GUCY1A2: variants seen among roughly 807,000 people sequenced by gnomAD.
GUCY1A2 encodes the protein guanylate cyclase 1 soluble subunit alpha 2.
A neutral mutation model predicts 63.5 loss-of-function variants in GUCY1A2; 27 were observed. The observed-to-expected ratio is 0.43, with a 90% CI of 0.31 to 0.59. GUCY1A2 has a LOEUF of 0.59. Among genes scored for constraint, GUCY1A2 ranks in the 20% least tolerant of loss-of-function variants. The probability of loss-of-function intolerance (pLI) is 0.11; values close to 1 mark genes in which losing one functional copy is unlikely to be tolerated. For synonymous variants in GUCY1A2, 364 were observed against 343.5 expected, an observed-to-expected ratio of 1.06 and a Z score of -0.66; for missense variants, 768 against 913.3, an observed-to-expected ratio of 0.84 and a Z score of 2.05.
intron 4 of GUCY1A2, among the ~76,000 whole-genome samples, chr11:106,923,060 G>A (rs1017836112): frequency 6.6e-6 from 1 of 152,096 alleles, no homozygotes; most frequent in Non-Finnish European, 1.5e-5. Context: ...CAAAACTGGG[G>A]ACCCACTAGG....
chr11:106,694,072 A>G (rs1275209010), intron 7 of GUCY1A2, among the ~76,000 whole-genome samples: 1 of 152,152 alleles, frequency 6.6e-6, no homozygotes, highest in Non-Finnish European at 1.5e-5. Context: ...TACCCTGACC[A>G]TTTCATTAGG....
chr11:106,771,842 C>T (rs1347635270), intron 6 of GUCY1A2, among the ~76,000 whole-genome samples: 1 of 152,184 alleles, frequency 6.6e-6, no homozygotes, highest in East Asian at 1.9e-4. Flanking sequence ...TTTCAGCCAG[C>T]AGAAGAAATA....
chr11:106,872,408 C>T (rs1859691880), intron 4 of GUCY1A2, among the ~76,000 whole-genome samples: 1 of 152,180 alleles, frequency 6.6e-6, no homozygotes, highest in African/African-American at 2.4e-5. Flanking sequence ...AGTCAAGTTG[C>T]TTATTATTAG....
At chr11:106,970,007 C>T (rs930904852) in intron 3 of GUCY1A2, among the ~76,000 whole-genome samples, 2 of 151,992 alleles carry the variant, frequency 1.3e-5, no homozygotes, top group African/African-American at 4.8e-5. Context: ...TTTGAGAAAA[C>T]AAAAATAGAA....
chr11:106,736,765 T>G (rs1863596925), intron 6 of GUCY1A2, among the ~76,000 whole-genome samples: 1 of 152,218 alleles, frequency 6.6e-6, no homozygotes, highest in South Asian at 2.1e-4. Context: ...TCCATTAATA[T>G]TAAATATCTT....
intron 4 of GUCY1A2, among the ~76,000 whole-genome samples, chr11:106,904,940 C>T (rs367955277): frequency 1.3e-5 from 2 of 151,988 alleles, no homozygotes; most frequent in East Asian, 1.9e-4. Context: ...ATAAGCAACA[C>T]GATTTTGCAT....
intron 6 of GUCY1A2, among the ~76,000 whole-genome samples, chr11:106,763,403 A>C (rs905486572): frequency 2.0e-5 from 3 of 152,028 alleles, no homozygotes; most frequent in Non-Finnish European, 4.4e-5. Context: ...AAGGCAGAAA[A>C]CAACATTAAA....
At chr11:107,008,044 A>G (rs1044279879) in intron 1 of GUCY1A2, among the ~76,000 whole-genome samples, 3 of 149,726 alleles carry the variant, frequency 2.0e-5, no homozygotes, top group African/African-American at 7.2e-5. Flanking sequence ...GTACTTTGGG[A>G]GGCCAAGGCA....
At chr11:106,795,572 C>T (rs576452521) in intron 5 of GUCY1A2, among the ~76,000 whole-genome samples, 23 of 152,268 alleles carry the variant, frequency 1.5e-4, no homozygotes, top group African/African-American at 5.5e-4. Context: ...CCAACACATA[C>T]TCACAGCTAA....
At chr11:106,827,969 G>A (rs918335739) in intron 4 of GUCY1A2, 8 of 879,386 alleles carry the variant, frequency 9.1e-6, no homozygotes, top group Admixed American at 2.0e-5. Flanking sequence ...AAGCAGCCGC[G>A]AGGCGGTCAC....
intron 6 of GUCY1A2, among the ~76,000 whole-genome samples, chr11:106,753,130 C>T (rs10890578): frequency 0.15 from 23,376 of 152,084 alleles, 3,233 homozygotes; most frequent in African/African-American, 0.37. Context: ...ATGATGAGCA[C>T]TTTTTCATAT....
chr11:106,883,422 A>T (rs1441928988), intron 4 of GUCY1A2, among the ~76,000 whole-genome samples: 1 of 152,146 alleles, frequency 6.6e-6, no homozygotes, highest in African/African-American at 2.4e-5. Context: ...TCATGCACTT[A>T]GTGTGTGATG....
At chr11:106,959,144 T>C (rs1382475255) in intron 3 of GUCY1A2, among the ~76,000 whole-genome samples, 1 of 152,210 alleles carries the variant, frequency 6.6e-6, no homozygotes, top group African/African-American at 2.4e-5. Context: ...TTTGTCATTA[T>C]GTCATTATCC....
In GUCY1A2 at chr11:106,865,841, C is replaced by A. The variant is rs1447334521; in HGVS notation, c.1207-55363G>T. Among the ~76,000 whole-genome samples, 3 of 151,594 alleles carry A rather than the reference C, an allele frequency of 2.0e-5. No homozygotes were observed. In the East Asian group the frequency reaches 5.8e-4, roughly 29 times the overall value. ...AGAAACATAATCCCAGACTTGAATTCTTTCTACCCAGGATTTAAAAACAAA... is the reference window on the plus strand; with the variant it reads ...AGAAACATAATCCCAGACTTGAATTATTTCTACCCAGGATTTAAAAACAAA... On this transcript the variant is annotated intron_variant, in intron 4 of 7. Transcript: ENST00000526355.
intron 4 of GUCY1A2, among the ~76,000 whole-genome samples, chr11:106,919,644 G>C (rs1447412343): frequency 6.6e-6 from 1 of 152,090 alleles, no homozygotes; most frequent in Non-Finnish European, 1.5e-5. Context: ...GTTGAGATCT[G>C]AAGGACAAAA....
At chr11:106,763,841 G>T (rs1864111515) in intron 6 of GUCY1A2, among the ~76,000 whole-genome samples, 1 of 151,986 alleles carries the variant, frequency 6.6e-6, no homozygotes, top group Admixed American at 6.6e-5. Flanking sequence ...CAATCAATCA[G>T]TGCTTTTCGT....
chr11:106,994,304 T>C (rs2120162913), intron 1 of GUCY1A2, among the ~76,000 whole-genome samples: 2 of 152,344 alleles, frequency 1.3e-5, no homozygotes, highest in Middle Eastern at 3.4e-3. Flanking sequence ...CCCAGTATTT[T>C]CCCCTTTGTT....
chr11:106,959,033 T>C (rs1173638217), intron 3 of GUCY1A2, among the ~76,000 whole-genome samples: 1 of 152,184 alleles, frequency 6.6e-6, no homozygotes, highest in Non-Finnish European at 1.5e-5. Context: ...TTTAGCATCG[T>C]GGGTGAGGCA....
intron 1 of GUCY1A2, among the ~76,000 whole-genome samples, chr11:107,005,247 A>T (rs1861657228): frequency 6.6e-6 from 1 of 152,174 alleles, no homozygotes; most frequent in Non-Finnish European, 1.5e-5. Context: ...TGTGGACATA[A>T]TTTGGTAATT....
Sources: gnomAD v4.1 joint callset for allele counts (sites outside exome capture counted in the v4.1 genomes callset) on GRCh38, gnomAD v4.1.1 for gene constraint, MANE v1.5 for transcripts, NCBI Gene and HGNC (gene_info 2026-07-23, HGNC 2026-07-21) for gene names.